The following GRM4 variants were observed in gnomAD, a reference collection of about 807,000 sequenced individuals.
The protein encoded by GRM4 is glutamate metabotropic receptor 4.
Under a neutral mutation model 81.7 loss-of-function variants are expected in GRM4, and 28 were observed. That is an observed-to-expected ratio of 0.34 (90% CI 0.25 to 0.47). GRM4 has a LOEUF of 0.47. GRM4 is among the 20% of genes least tolerant of loss of function. GRM4 has a pLI of 1.00. For synonymous variants in GRM4, 488 were observed against 528.8 expected, an observed-to-expected ratio of 0.92 and a Z score of 1.06; for missense variants, 948 against 1,290.0, an observed-to-expected ratio of 0.73 and a Z score of 4.06.
In GRM4 at chr6:34,036,058, G is replaced by T. The variant is rs763195429; in HGVS notation, c.2052C>A (p.Gly684=). The change falls in exon 9 of 11, where the codon GGC becomes GGA. Residue 684 remains glycine, a synonymous_variant. Transcript: ENST00000538487. The surrounding 1 kb of genome is among the most constrained non-coding windows in gnomAD (Gnocchi z 9.0). ...AGCGTGGGGCACTGACCGAGCGCTTGCCCTGCTCGAAGATGCGGTAGATGC... is the reference window on the plus strand; with the variant it reads ...AGCGTGGGGCACTGACCGAGCGCTTTCCCTGCTCGAAGATGCGGTAGATGC... The part of the protein sequence containing the change: ...TNRIYRIFEQ[G]KRSVSAPRFI... 1.2e-6 allele frequency: 2 copies of T among 1,614,174 alleles called. No individual in the cohort carries two copies. The highest frequency in any genetic ancestry group is 1.7e-6 in the Non-Finnish European group (2 of 1,180,040).
At chr6:34,126,392 A>G (rs769932144) in intron 2 of GRM4, among the ~76,000 whole-genome samples, 1 of 152,166 alleles carries the variant, frequency 6.6e-6, no homozygotes, top group Non-Finnish European at 1.5e-5. Flanking sequence ...CACCTCTTAG[A>G]GAGGGTCCCT....
chr6:34,140,056 A>G (rs750530377), intron 1 of GRM4, among the ~76,000 whole-genome samples: 1 of 152,158 alleles, frequency 6.6e-6, no homozygotes, highest in Non-Finnish European at 1.5e-5. Context: ...GGATCAGGCG[A>G]TATGAAAAAA....
In GRM4 at chr6:34,130,785, T is replaced by A. The variant is rs972698399; in HGVS notation, c.519+2193A>T. 6.6e-6 allele frequency among the ~76,000 whole-genome samples: 1 copy of A among 152,258 alleles called. No homozygotes were observed. The highest frequency in any genetic ancestry group is 6.5e-5 in the Admixed American group (1 of 15,292). ...CCGCTCTGGAAAACAGGGGAAGGGA[T>A]CCTCACCAATGTCACAGGTTCAAGG... is the stretch of plus-strand genomic sequence containing the variant. On this transcript the variant is annotated intron_variant, in intron 2 of 10. Coordinates refer to ENST00000538487, the MANE Select transcript of GRM4 (RefSeq NM_000841.4). This position sits in a 1 kb window ranked among gnomAD's most constrained non-coding sequence, Gnocchi z 4.1.
chr6:34,138,747 G>A (rs979542029), intron 1 of GRM4, among the ~76,000 whole-genome samples: 2 of 152,120 alleles, frequency 1.3e-5, no homozygotes, highest in Admixed American at 6.5e-5. Context: ...AGCCCTCCTC[G>A]TGCTGACCTC....
intron 1 of GRM4, among the ~76,000 whole-genome samples, chr6:34,151,204 GC>G (rs1448246438): frequency 6.6e-6 from 1 of 152,146 alleles, no homozygotes; most frequent in Non-Finnish European, 1.5e-5. Flanking sequence ...TGAGCACCTG[GC>G]CCTCCACTGG....
chr6:34,068,239 C>A lies in GRM4; in HGVS notation c.737-6211G>T, dbSNP rs1766590379. On this transcript the variant is annotated intron_variant, in intron 3 of 10. Coordinates refer to ENST00000538487, the MANE Select transcript of GRM4 (RefSeq NM_000841.4). The surrounding 1 kb of genome is among the most constrained non-coding windows in gnomAD (Gnocchi z 4.2). ...GGGCTGGGCCACGCAGCTGGAGAGG[C>A]AGAGGCTGGATCTGAACTCGGGTCT... Among the ~76,000 whole-genome samples, 1 of 152,186 alleles carries A rather than the reference C, an allele frequency of 6.6e-6. No individual in the cohort carries two copies. The highest frequency in any genetic ancestry group is 6.5e-5 in the Admixed American group (1 of 15,282).
rs1425990293 is a variant in GRM4, at chr6:34,047,764, G to A, written c.1169-7016C>T. ...GGCCAAAAGGGATCCCCATCTCAGT[G>A]ATAAGGAAACTGAGGCCTGAGGAGG... On this transcript the variant is annotated intron_variant, in intron 6 of 10. Transcript: ENST00000538487. This position sits in a 1 kb window ranked among gnomAD's most constrained non-coding sequence, Gnocchi z 4.5. Among the ~76,000 whole-genome samples the A allele has an allele frequency of 2.0e-5, 3 of 152,168 alleles. No homozygotes were observed. Among genetic ancestry groups the A allele is most frequent in the Non-Finnish European group, 2.9e-5 (2 of 68,044 alleles).
intron 2 of GRM4, among the ~76,000 whole-genome samples, chr6:34,105,141 T>A (rs1195621409): frequency 6.6e-6 from 1 of 152,140 alleles, no homozygotes; most frequent in Non-Finnish European, 1.5e-5. Flanking sequence ...TAATGGGATA[T>A]ATTACCATTA....
chr6:34,153,692 C>T (rs553099809), intron 1 of GRM4, among the ~76,000 whole-genome samples: 2 of 152,156 alleles, frequency 1.3e-5, no homozygotes, highest in African/African-American at 2.4e-5. Context: ...TCAAGACCAG[C>T]CTGACCAACA....
In GRM4 at chr6:34,042,687, T is replaced by C. The variant is rs922152806; in HGVS notation, c.1169-1939A>G. Among the ~76,000 whole-genome samples, 1 of 152,156 alleles carries C rather than the reference T, an allele frequency of 6.6e-6. No homozygotes were observed. The highest frequency in any genetic ancestry group is 1.5e-5 in the Non-Finnish European group (1 of 67,996). On this transcript the variant is annotated intron_variant, in intron 6 of 10. Coordinates refer to ENST00000538487, the MANE Select transcript of GRM4 (RefSeq NM_000841.4). The surrounding 1 kb of genome is among the most constrained non-coding windows in gnomAD (Gnocchi z 4.2). ...CACCTGCACCTGTGTCCTGCCCCCATAGGCCAGGGTTAAGCTGGGTCCACA... is the reference window on the plus strand; with the variant it reads ...CACCTGCACCTGTGTCCTGCCCCCACAGGCCAGGGTTAAGCTGGGTCCACA...
At chr6:34,117,445 T>A (rs1399599513) in intron 2 of GRM4, among the ~76,000 whole-genome samples, 2 of 152,178 alleles carry the variant, frequency 1.3e-5, no homozygotes, top group East Asian at 3.8e-4. Flanking sequence ...CACCTGTCCA[T>A]GGTGAAGTAT....
At chr6:34,081,047 A>C (rs1435641583) in intron 3 of GRM4, among the ~76,000 whole-genome samples, 2 of 152,088 alleles carry the variant, frequency 1.3e-5, no homozygotes, top group African/African-American at 2.4e-5. Flanking sequence ...CCATCTGACA[A>C]GCCCACCAAT....
chr6:34,035,732 G>T lies in GRM4; in HGVS notation c.2378C>A (p.Thr793Asn). 1 of 1,607,636 alleles carries T rather than the reference G, an allele frequency of 6.2e-7. No homozygotes were observed. Among genetic ancestry groups the T allele is most frequent in the Non-Finnish European group, 8.5e-7 (1 of 1,174,638 alleles). The change falls in exon 9 of 11, where the codon ACC (threonine) becomes AAC (asparagine). Residue 793 changes from threonine (T) to asparagine (N), a missense_variant. By Grantham distance (65) the Thr-to-Asn change is moderately conservative. Transcript: ENST00000538487. The surrounding 1 kb of genome is among the most constrained non-coding windows in gnomAD (Gnocchi z 6.6). ...GAAGGCCAGCCAGACGATGCAAGTGGTGTACATGGTGAAGCCAATGGGCTT... is the reference window on the plus strand; with the variant it reads ...GAAGGCCAGCCAGACGATGCAAGTGTTGTACATGGTGAAGCCAATGGGCTT... ...EAKPIGFTMY[T>N]TCIVWLAFIP...
chr6:34,067,555 T>C (rs942084603), intron 3 of GRM4, among the ~76,000 whole-genome samples: 4 of 143,802 alleles, frequency 2.8e-5, no homozygotes, highest in Admixed American at 1.4e-4. Context: ...CCTCTGTCCC[T>C]TCCTCCCTTC....
chr6:34,143,332 AG>A (rs904939130), intron 1 of GRM4, among the ~76,000 whole-genome samples: 1 of 152,154 alleles, frequency 6.6e-6, no homozygotes, highest in Non-Finnish European at 1.5e-5. Context: ...GATCTGACTA[AG>A]GGCTGGTGAA....
intron 5 of GRM4, among the ~76,000 whole-genome samples, chr6:34,058,080 C>A (rs1226326411): frequency 1.3e-5 from 2 of 152,062 alleles, no homozygotes; most frequent in Non-Finnish European, 2.9e-5. Flanking sequence ...GAGCCTGAGT[C>A]AGACATGGGG....
chr6:34,092,975 C>T lies in GRM4; in HGVS notation c.520-876G>A, dbSNP rs1208400128. On this transcript the variant is annotated intron_variant, in intron 2 of 10. Transcript: ENST00000538487. This position sits in a 1 kb window ranked among gnomAD's most constrained non-coding sequence, Gnocchi z 6.8. ...GGCGCCACCCACTGCTCTGCTCTCC[C>T]GGCTGCTCAGGGCTTGTGGGCTCCA... 2.0e-5 allele frequency among the ~76,000 whole-genome samples: 3 copies of T among 152,180 alleles called. No homozygotes were observed. The highest frequency in any genetic ancestry group is 2.9e-5 in the Non-Finnish European group (2 of 68,026).
rs1764613000 is a variant in GRM4 at position 34,034,924 on chromosome 6, C to T, written c.2442+744G>A. ...GGATGTGGGCCGAGCATACAGGTCTCTTGGGGTGTGCCCAGGTCCTCGGAC... is the reference window on the plus strand; with the variant it reads ...GGATGTGGGCCGAGCATACAGGTCTTTTGGGGTGTGCCCAGGTCCTCGGAC... On this transcript the variant is annotated intron_variant, in intron 9 of 10. Coordinates refer to ENST00000538487, the MANE Select transcript of GRM4 (RefSeq NM_000841.4). This position sits in a 1 kb window ranked among gnomAD's most constrained non-coding sequence, Gnocchi z 4.0. 6.6e-6 allele frequency among the ~76,000 whole-genome samples: 1 copy of T among 152,152 alleles called. No homozygotes were observed. Among genetic ancestry groups the T allele is most frequent in the Admixed American group, 6.5e-5 (1 of 15,280 alleles).
At chr6:34,067,493 TCTTCCTTCTTTC>T (rs1240864024) in intron 3 of GRM4, among the ~76,000 whole-genome samples, 6 of 132,390 alleles carry the variant, frequency 4.5e-5, no homozygotes, top group Non-Finnish European at 9.7e-5. Flanking sequence ...TTCCTTCCTT[TCTTCCTTCTTTC>T]CTTCCTTCCT....
Sources: gnomAD v4.1 joint callset for allele counts (sites outside exome capture counted in the v4.1 genomes callset) on GRCh38, gnomAD v4.1.1 for gene constraint, Gnocchi (gnomAD v3.1) non-coding constraint, MANE v1.5 for transcripts, NCBI Gene and HGNC (gene_info 2026-07-23, HGNC 2026-07-21) for gene names.